Variants in TRMT1L observed in about 807,000 individuals in gnomAD.
TRMT1L encodes the protein tRNA methyltransferase 1L, also known as tRNA (guanine(27)-N(2))-dimethyltransferase.
Under a neutral mutation model 81.6 loss-of-function variants are expected in TRMT1L, and 28 were observed. The observed-to-expected ratio is 0.34, with a 90% CI of 0.25 to 0.47. TRMT1L has a LOEUF of 0.47. TRMT1L is among the 20% of genes least tolerant of loss of function. The probability of loss-of-function intolerance (pLI) is 1.00; values close to 1 mark genes in which losing one functional copy is unlikely to be tolerated. For synonymous variants in TRMT1L, 301 were observed against 303.2 expected (o/e 0.99, Z 0.07); for missense variants, 739 against 877.1 (o/e 0.84, Z 1.99).
chr1:185,137,862 C>T, intron 9 of TRMT1L, 66 bp from the exon 10 acceptor site: 1 of 1,493,180 alleles, frequency 6.7e-7, no homozygotes, highest in Non-Finnish European at 9.2e-7. Flanking sequence ...ATTATACTGA[C>T]AATATTAACC....
At chr1:185,141,187 C>T (rs936848757) in intron 7 of TRMT1L, among the ~76,000 whole-genome samples, 1 of 152,010 alleles carries the variant, frequency 6.6e-6, no homozygotes, top group Non-Finnish European at 1.5e-5. Flanking sequence ...TCTCCATACA[C>T]GTGTCTCATG....
At chr1:185,133,132 AT>A (rs1652814566) in intron 10 of TRMT1L, among the ~76,000 whole-genome samples, 1 of 152,236 alleles carries the variant, frequency 6.6e-6, no homozygotes, top group African/African-American at 2.4e-5. Context: ...TATAAAAAGT[AT>A]TTTTTTAAAA....
intron 10 of TRMT1L, among the ~76,000 whole-genome samples, chr1:185,133,919 C>T (rs974971592): frequency 2.0e-5 from 3 of 152,042 alleles, no homozygotes; most frequent in South Asian, 2.1e-4. Flanking sequence ...ATAAAATTTG[C>T]GAACAATATT....
rs1421682122 is a variant in TRMT1L, at chr1:185,137,747, G to C, written c.1372C>G (p.Leu458Val). 1.2e-6 allele frequency: 2 copies of C among 1,614,042 alleles called. No individual in the cohort carries two copies. Among genetic ancestry groups the C allele is most frequent in the Admixed American group, 1.7e-5 (1 of 60,018 alleles). The change falls in exon 10 of 15, where the codon CTG becomes GTG. Residue 458 changes from leucine to valine, a missense_variant. Leu to Val is a conservative substitution (Grantham distance 32). This residue lies in a region of TRMT1L where 331 missense variants were observed against 462.2 expected (regional missense o/e 0.72). Coordinates refer to ENST00000367506, the MANE Select transcript of TRMT1L (RefSeq NM_030934.5). Reference sequence around the variant, plus strand: ...ACAACTACCAACACAAAATGTTCCAGAGCCACTGCAAACAGTACTTCTATG... The same window carrying C: ...ACAACTACCAACACAAAATGTTCCACAGCCACTGCAAACAGTACTTCTATG... ...KGIEVLFAVA[L>V]EHFVLVVVRV...
At chr1:185,140,304 A>G in intron 7 of TRMT1L, 82 bp from the exon 8 acceptor site, 1 of 1,111,632 alleles carries the variant, frequency 9.0e-7, no homozygotes, top group Non-Finnish European at 1.2e-6. Flanking sequence ...ATTCAGTTTT[A>G]TAAATAACAA....
intron 13 of TRMT1L, among the ~76,000 whole-genome samples, chr1:185,122,843 C>A (rs997101041): frequency 1.3e-5 from 2 of 151,978 alleles, no homozygotes; most frequent in African/African-American, 4.8e-5. Context: ...CACTGACACA[C>A]CTGGCTAATT....
intron 1 of TRMT1L, among the ~76,000 whole-genome samples, chr1:185,153,433 A>T (rs1321137239): frequency 1.3e-5 from 2 of 152,186 alleles, no homozygotes; most frequent in Non-Finnish European, 2.9e-5. Context: ...AATCAAGGTA[A>T]TGCAGAAGCC....
chr1:185,141,078 A>C (rs1653029379), intron 7 of TRMT1L, among the ~76,000 whole-genome samples: 1 of 152,094 alleles, frequency 6.6e-6, no homozygotes, highest in Admixed American at 6.5e-5. Context: ...TACTAGCTTA[A>C]AGTCATAAGG....
intron 11 of TRMT1L, among the ~76,000 whole-genome samples, chr1:185,127,412 G>C (rs1487006615): frequency 3.9e-5 from 6 of 152,170 alleles, no homozygotes; most frequent in Non-Finnish European, 7.3e-5. Flanking sequence ...ATAAAGTAAT[G>C]AGAAGAAATT....
chr1:185,126,098 T>C lies in TRMT1L; in HGVS notation c.1593-988A>G, dbSNP rs569109307. On this transcript the variant is annotated intron_variant, in intron 11 of 14. Coordinates refer to ENST00000367506, the MANE Select transcript of TRMT1L (RefSeq NM_030934.5). ...TCCTGGCTCCACCACTTACTAGTTATGTAATCTTTTTATTAAGAGACAGGG... is the reference window on the plus strand; with the variant it reads ...TCCTGGCTCCACCACTTACTAGTTACGTAATCTTTTTATTAAGAGACAGGG... Among the ~76,000 whole-genome samples, 9 of 152,258 alleles carry C rather than the reference T, an allele frequency of 5.9e-5. No individual in the cohort carries two copies. In the South Asian group the frequency reaches 1.9e-3, roughly 32 times the overall value.
chr1:185,139,218 A>C, intron 9 of TRMT1L, 149 bp downstream of exon 9: 1 of 574,510 alleles, frequency 1.7e-6, no homozygotes, highest in Non-Finnish European at 2.9e-6. Context: ...TACAACAGAT[A>C]CCACGTAAGA....
chr1:185,128,966 T>A (rs41264590), intron 10 of TRMT1L, among the ~76,000 whole-genome samples: 15,169 of 152,082 alleles, frequency 0.1, 978 homozygotes, highest in East Asian at 0.25. Flanking sequence ...ATATATATAT[T>A]TTTTTAATTT....
Position 185,137,636 on chromosome 1 carries a change from TTC to T in TRMT1L, c.1481_1482del (p.Arg494AsnfsTer7). On this transcript the variant is annotated frameshift_variant, in exon 10 of 15. Coordinates refer to ENST00000367506, the MANE Select transcript of TRMT1L (RefSeq NM_030934.5). LOFTEE classifies it high-confidence loss of function. ...ACCATATTACCATCCTTCTGAAAAATTCTCTCTTCACACCACTGACAATGGAT... is the reference window on the plus strand; with the variant it reads ...ACCATATTACCATCCTTCTGAAAAATTCTCTTCACACCACTGACAATGGAT... ...YLIHCQWCEE[R>X]IFQKDGNMVE... is the part of the protein sequence containing the mutation. 6.2e-7 allele frequency: 1 copy of T among 1,613,970 alleles called. No individual in the cohort carries two copies. The highest frequency in any genetic ancestry group is 1.6e-4 in the Middle Eastern group (1 of 6,062).
intron 3 of TRMT1L, among the ~76,000 whole-genome samples, chr1:185,150,066 T>G (rs1011196003): frequency 6.6e-6 from 1 of 152,136 alleles, no homozygotes; most frequent in Non-Finnish European, 1.5e-5. Context: ...TACTATACCT[T>G]CCAAAATATG....
At chr1:185,128,597 T>C (rs866233534) in intron 11 of TRMT1L, 72 bp downstream of exon 11, 14 of 1,390,290 alleles carry the variant, frequency 1.0e-5, no homozygotes, top group Non-Finnish European at 1.3e-5. Context: ...TTACCACACA[T>C]AATAAAAATC....
intron 11 of TRMT1L, 101 bp downstream of exon 11, chr1:185,128,568 T>C (rs981645655): frequency 2.1e-5 from 23 of 1,121,830 alleles, no homozygotes; most frequent in South Asian, 1.4e-4. Flanking sequence ...GACTTAACAA[T>C]TGAATTTAAA....
chr1:185,151,938 GA>G lies in TRMT1L; in HGVS notation c.236-4del, dbSNP rs374348515. On this transcript the variant is annotated splice_polypyrimidine_tract_variant and splice_region_variant and intron_variant, in intron 1 of 14. Coordinates refer to ENST00000367506, the MANE Select transcript of TRMT1L (RefSeq NM_030934.5). ...CCTTTGAATTGAGATGTGTCTCTCTGAAAAAAAAAATTGAGAAGATTATGCT... is the reference window on the plus strand; with the variant it reads ...CCTTTGAATTGAGATGTGTCTCTCTGAAAAAAAAATTGAGAAGATTATGCT... 1.0e-3 allele frequency: 1,521 copies of G among 1,476,608 alleles called. No individual in the cohort carries two copies. Among genetic ancestry groups the G allele is most frequent in the Admixed American group, 2.1e-3 (96 of 44,898 alleles). 91.5% of individuals were successfully genotyped at this position (1,476,608 alleles called of 1,614,324 possible).
Position 185,154,049 on chromosome 1 carries a change from T to C in TRMT1L, c.236-2114A>G, listed in dbSNP as rs540374197. Reference sequence around the variant, plus strand: ...AGTGCCTAATGCAGTAGCTTGCAGATAGGAGGCACTAAAGTTTGTTAAACA... The same window carrying C: ...AGTGCCTAATGCAGTAGCTTGCAGACAGGAGGCACTAAAGTTTGTTAAACA... On this transcript the variant is annotated intron_variant, in intron 1 of 14. Coordinates refer to ENST00000367506, the MANE Select transcript of TRMT1L (RefSeq NM_030934.5). 1.5e-4 allele frequency among the ~76,000 whole-genome samples: 23 copies of C among 152,340 alleles called. No individual in the cohort carries two copies. In the South Asian group the frequency reaches 3.9e-3, roughly 26 times the overall value.
chr1:185,130,734 A>C (rs560220234), intron 10 of TRMT1L, among the ~76,000 whole-genome samples: 1 of 152,298 alleles, frequency 6.6e-6, no homozygotes, highest in South Asian at 2.1e-4. Context: ...TGGTGAGGCT[A>C]AACTATTGAG....
Sources: allele counts gnomAD v4.1 joint callset (sites outside exome capture counted in the v4.1 genomes callset), GRCh38; gene constraint gnomAD v4.1.1; regional missense constraint gnomAD v4.1.1; transcripts MANE v1.5; gene names NCBI Gene and HGNC (gene_info 2026-07-23, HGNC 2026-07-21).